Variants in LGR5 observed in about 807,000 individuals in gnomAD.
LGR5 encodes the protein leucine rich repeat containing G protein-coupled receptor 5.
A neutral mutation model predicts 76.7 loss-of-function variants in LGR5; 54 were observed. The observed-to-expected ratio is 0.70, with a 90% CI of 0.57 to 0.88. LGR5 has a LOEUF of 0.88. LGR5 is among the 40% of genes least tolerant of loss of function. The pLI is 0.00. For synonymous variants in LGR5, 406 were observed against 421.9 expected (o/e 0.96, Z 0.46); for missense variants, 1,078 against 1,073.3 (o/e 1.00, Z -0.06).
intron 4 of LGR5, among the ~76,000 whole-genome samples, chr12:71,549,752 T>C (rs1877382687): frequency 6.6e-6 from 1 of 152,104 alleles, no homozygotes; most frequent in Non-Finnish European, 1.5e-5. Flanking sequence ...GAAGAAACTG[T>C]TTAGTAGAGA....
At chr12:71,569,206 C>G (rs572651420) in intron 11 of LGR5, among the ~76,000 whole-genome samples, 2 of 152,204 alleles carry the variant, frequency 1.3e-5, no homozygotes, top group East Asian at 3.9e-4. Flanking sequence ...TATAAAAACC[C>G]TAGAAGAAAA....
chr12:71,557,058 C>A (rs1000598666), intron 6 of LGR5, among the ~76,000 whole-genome samples: 1 of 152,178 alleles, frequency 6.6e-6, no homozygotes, highest in African/African-American at 2.4e-5. Flanking sequence ...CCAATGCCTG[C>A]GTCTTCAATC....
At chr12:71,504,049 A>T (rs1396813119) in intron 1 of LGR5, among the ~76,000 whole-genome samples, 3 of 152,182 alleles carry the variant, frequency 2.0e-5, no homozygotes, top group African/African-American at 7.2e-5. Flanking sequence ...CCCTCGTTTT[A>T]TGGTTCATTT....
Position 71,440,023 on chromosome 12 carries a change from A to T in LGR5, c.-58A>T. 6.5e-7 allele frequency: 1 copy of T among 1,541,434 alleles called. No homozygotes were observed. Among genetic ancestry groups the T allele is most frequent in the Non-Finnish European group, 8.9e-7 (1 of 1,129,930 alleles). On this transcript the variant is annotated 5_prime_UTR_variant, in exon 1 of 18. Transcript: ENST00000266674. This position sits in a 1 kb window ranked among gnomAD's most constrained non-coding sequence, Gnocchi z 5.3. ...CGGCGCCCGGCGCGCCACGGCCCGTAGCAGTCCGGTGCTGCTCTCCGCCCG... is the reference window on the plus strand; with the variant it reads ...CGGCGCCCGGCGCGCCACGGCCCGTTGCAGTCCGGTGCTGCTCTCCGCCCG...
At chr12:71,498,557 G>A (rs542978707) in intron 1 of LGR5, among the ~76,000 whole-genome samples, 235 of 152,246 alleles carry the variant, frequency 1.5e-3, no homozygotes, top group African/African-American at 4.8e-3. Flanking sequence ...GGCAGACAGT[G>A]GAGCCCTCTC....
chr12:71,536,742 G>A (rs1400367160), intron 4 of LGR5, among the ~76,000 whole-genome samples: 2 of 152,194 alleles, frequency 1.3e-5, no homozygotes, highest in Non-Finnish European at 2.9e-5. Context: ...AACACAAACA[G>A]AAGTGAACTC....
intron 1 of LGR5, among the ~76,000 whole-genome samples, chr12:71,461,952 G>C (rs1872702184): frequency 6.6e-6 from 1 of 152,116 alleles, no homozygotes; most frequent in African/African-American, 2.4e-5. Context: ...AATCTGCCGG[G>C]TGTGAATTTG....
chr12:71,516,324 A>T (rs1592505930), intron 2 of LGR5, among the ~76,000 whole-genome samples: 2 of 152,166 alleles, frequency 1.3e-5, no homozygotes, highest in Middle Eastern at 3.2e-3. Context: ...AGAAAAAAAT[A>T]ACTAAATTAG....
intron 5 of LGR5, among the ~76,000 whole-genome samples, chr12:71,554,594 T>C (rs543403854): frequency 2.0e-5 from 3 of 152,318 alleles, no homozygotes; most frequent in South Asian, 4.1e-4. Flanking sequence ...GTTTCAAAGA[T>C]AAACTATAAA....
intron 11 of LGR5, among the ~76,000 whole-genome samples, chr12:71,568,339 G>GTT (rs1423373124): frequency 6.6e-6 from 1 of 152,142 alleles, no homozygotes; most frequent in African/African-American, 2.4e-5. Flanking sequence ...CTGGAGCTCA[G>GTT]TTTCCCAGTC....
intron 12 of LGR5, among the ~76,000 whole-genome samples, chr12:71,572,351 C>T (rs1187399886): frequency 6.6e-6 from 1 of 152,060 alleles, no homozygotes; most frequent in African/African-American, 2.4e-5. Context: ...CAAAGTGCTG[C>T]GATTACAGGC....
At chr12:71,578,976 A>C (rs1488114446) in intron 15 of LGR5, 47 bp downstream of exon 15, 11 of 1,536,186 alleles carry the variant, frequency 7.2e-6, no homozygotes, top group African/African-American at 2.8e-5. Flanking sequence ...GGTCATGTGA[A>C]ATAATAGATG....
At chr12:71,552,890 G>A (rs1442317450) in intron 4 of LGR5, among the ~76,000 whole-genome samples, 183 bp from the exon 5 acceptor site, 1 of 152,022 alleles carries the variant, frequency 6.6e-6, no homozygotes, top group Non-Finnish European at 1.5e-5. Flanking sequence ...GGAAGCAACA[G>A]TCTACACATG....
Position 71,563,976 on chromosome 12 carries a change from C to T in LGR5, c.857+2124C>T, listed in dbSNP as rs1336062368. ...GCATATATACGTATCTGTACACACGCACTGTGTATATATGCATATATACGT... is the reference window on the plus strand; with the variant it reads ...GCATATATACGTATCTGTACACACGTACTGTGTATATATGCATATATACGT... On this transcript the variant is annotated intron_variant, in intron 8 of 17. Transcript: ENST00000266674. Among the ~76,000 whole-genome samples, 2 of 38,048 alleles carry T rather than the reference C, an allele frequency of 5.3e-5. 1 individual carries two copies. The highest frequency in any genetic ancestry group is 7.0e-4 in the Admixed American group (2 of 2,876). The allele number at this position is 38,048 out of a possible 152,430, so 25.0% of individuals were successfully genotyped here.
chr12:71,558,291 CATAA>C (rs979431080), intron 6 of LGR5, among the ~76,000 whole-genome samples: 2 of 152,124 alleles, frequency 1.3e-5, no homozygotes, highest in African/African-American at 4.8e-5. Context: ...TGGGTATTTC[CATAA>C]ATAGTCTTTT....
chr12:71,499,183 A>G (rs1874478929), intron 1 of LGR5, among the ~76,000 whole-genome samples: 1 of 152,152 alleles, frequency 6.6e-6, no homozygotes, highest in African/African-American at 2.4e-5. Flanking sequence ...AGTTGAGAGT[A>G]TTGGTGACAT....
At position 71,566,430 on chromosome 12, in the gene LGR5, T is replaced by A. The variant is rs766210808; in HGVS notation, c.884T>A (p.Phe295Tyr). The A allele has an allele frequency of 3.7e-6, 6 of 1,602,268 alleles. No individual in the cohort carries two copies. In the South Asian group the frequency reaches 4.4e-5, roughly 12 times the overall value. Residue 295 changes from phenylalanine (F) to tyrosine (Y), a missense_variant, in exon 9 of 18, where the codon TTT (phenylalanine) becomes TAT (tyrosine). Transcript: ENST00000266674. ...CATTTCTATGACAATCCCATCCAGT[T>A]TGTTGGGAGATCTGCTTTTCAACAT... ...TIHFYDNPIQ[F>Y]VGRSAFQHLP... is the part of the protein sequence containing the mutation.
intron 3 of LGR5, among the ~76,000 whole-genome samples, chr12:71,529,445 C>G (rs1286653657): frequency 6.6e-6 from 1 of 152,086 alleles, no homozygotes; most frequent in Non-Finnish European, 1.5e-5. Flanking sequence ...GAAAGCGCCC[C>G]CATGATTCAA....
intron 1 of LGR5, among the ~76,000 whole-genome samples, chr12:71,468,528 A>G (rs915691057): frequency 2.0e-5 from 3 of 152,174 alleles, no homozygotes; most frequent in Admixed American, 6.5e-5. Context: ...GGTCCTACCT[A>G]AAGATTAATG....
Sources: allele counts gnomAD v4.1 joint callset (sites outside exome capture counted in the v4.1 genomes callset), GRCh38; gene constraint gnomAD v4.1.1; non-coding constraint Gnocchi (gnomAD v3.1); transcripts MANE v1.5; gene names NCBI Gene and HGNC (gene_info 2026-07-23, HGNC 2026-07-21).